Variants in INPP4B observed in about 807,000 individuals in gnomAD.
INPP4B encodes the protein inositol polyphosphate 4-phosphatase type II.
A neutral mutation model predicts 122.5 loss-of-function variants in INPP4B; 55 were observed. The ratio of observed to expected loss-of-function variants is 0.45; its 90% CI spans 0.36 to 0.56. The LOEUF (loss-of-function observed/expected upper bound fraction) is 0.56. Ranked by LOEUF, INPP4B falls within the 20% of genes least tolerant of loss-of-function variation. The pLI, the probability that INPP4B is intolerant of heterozygous loss-of-function variation, is 0.00. For missense variants in INPP4B, 1,000 were observed against 1,097.7 expected (o/e 0.91, Z 1.26); for synonymous variants, 403 against 388.7 (o/e 1.04, Z -0.43).
Position 142,040,548 on chromosome 4 carries a change from T to C in INPP4B, c.2643-11634A>G, listed in dbSNP as rs941188401. On this transcript the variant is annotated intron_variant, in intron 25 of 25. Coordinates refer to ENST00000262992, the MANE Select transcript of INPP4B (RefSeq NM_001101669.3). ...ATGAAGCTTGTTGAAAGAAAAATTT[T>C]TGAAAGAAATGAAACAACAAAAATA... 4.6e-5 allele frequency among the ~76,000 whole-genome samples: 7 copies of C among 152,156 alleles called. No individual in the cohort carries two copies. In the East Asian group the frequency reaches 7.7e-4, roughly 17 times the overall value.
At chr4:142,725,695 G>A (rs755509816) in intron 2 of INPP4B, 144 bp downstream of exon 2, 12 of 384,214 alleles carry the variant, frequency 3.1e-5, no homozygotes, top group Non-Finnish European at 4.6e-5. Context: ...GATGATCATC[G>A]TAAGGCCTTC....
chr4:142,169,534 A>G (rs1462904709), intron 16 of INPP4B, among the ~76,000 whole-genome samples: 1 of 151,714 alleles, frequency 6.6e-6, no homozygotes, highest in Non-Finnish European at 1.5e-5. Context: ...ATAGAAAACA[A>G]CATTGCTTGA....
chr4:142,316,577 A>G (rs1374122324), intron 7 of INPP4B, among the ~76,000 whole-genome samples: 1 of 152,188 alleles, frequency 6.6e-6, no homozygotes. Context: ...TATGTGTACT[A>G]TTATATACAT....
rs180932084 is a variant in INPP4B at position 142,439,645 on chromosome 4, A to G, written c.-126-8260T>C. On this transcript the variant is annotated intron_variant, in intron 3 of 25. Transcript: ENST00000262992. ...AAGAGTTTAATCAATTTTTCCTCCTATGAAGCAGCATACAAGTAAGAAAGA... is the reference window on the plus strand; with the variant it reads ...AAGAGTTTAATCAATTTTTCCTCCTGTGAAGCAGCATACAAGTAAGAAAGA... Among the ~76,000 whole-genome samples the G allele has an allele frequency of 2.7e-3, 417 of 152,306 alleles. 3 individuals carry two copies. The highest frequency in any genetic ancestry group is 9.6e-3 in the African/African-American group (400 of 41,578).
intron 2 of INPP4B, among the ~76,000 whole-genome samples, chr4:142,625,347 G>C (rs1481166899): frequency 2.6e-5 from 4 of 151,968 alleles, no homozygotes; most frequent in Non-Finnish European, 4.4e-5. Context: ...AACAGACAAA[G>C]AGAGAGTCAA....
chr4:142,377,608 T>G (rs1203243930), intron 7 of INPP4B, among the ~76,000 whole-genome samples: 1 of 152,064 alleles, frequency 6.6e-6, no homozygotes, highest in Non-Finnish European at 1.5e-5. Flanking sequence ...CCATCTGTAA[T>G]GTAGGCAGAA....
intron 1 of INPP4B, among the ~76,000 whole-genome samples, chr4:142,842,670 TATA>T (rs1324360365): frequency 7.5e-6 from 1 of 132,948 alleles, no homozygotes; most frequent in Admixed American, 8.5e-5. Context: ...TATAACATAA[TATA>T]ATATTAATAT....
intron 1 of INPP4B, among the ~76,000 whole-genome samples, chr4:142,782,716 C>G (rs1775073291): frequency 6.6e-6 from 1 of 152,138 alleles, no homozygotes; most frequent in African/African-American, 2.4e-5. Context: ...TTTTGATTTG[C>G]ATTTCTCTGA....
rs143937067 is a variant in INPP4B, at chr4:142,697,606, T to C, written c.-191+28233A>G. On this transcript the variant is annotated intron_variant, in intron 2 of 25. Coordinates refer to ENST00000262992, the MANE Select transcript of INPP4B (RefSeq NM_001101669.3). ...TCTATATGATTAAACGATAGGAACT[T>C]ATTTGCTTTATTACTTTATATGGCC... Among the ~76,000 whole-genome samples, 275 of 152,300 alleles carry C rather than the reference T, an allele frequency of 1.8e-3. 2 individuals are homozygous for C. Among genetic ancestry groups the C allele is most frequent in the African/African-American group, 6.2e-3 (258 of 41,566 alleles).
intron 25 of INPP4B, among the ~76,000 whole-genome samples, chr4:142,071,176 A>T (rs538301249): frequency 6.6e-6 from 1 of 152,176 alleles, no homozygotes; most frequent in South Asian, 2.1e-4. Flanking sequence ...CTCAGAAATA[A>T]TACCACACAT....
intron 2 of INPP4B, among the ~76,000 whole-genome samples, chr4:142,556,868 A>G (rs1239214980): frequency 6.6e-6 from 1 of 152,172 alleles, no homozygotes; most frequent in Non-Finnish European, 1.5e-5. Flanking sequence ...GCTGATACCT[A>G]GGAAACCTCG....
At chr4:142,432,245 T>C (rs1176825828) in intron 3 of INPP4B, among the ~76,000 whole-genome samples, 1 of 152,124 alleles carries the variant, frequency 6.6e-6, no homozygotes, top group African/African-American at 2.4e-5. Flanking sequence ...GTCTGCCCAA[T>C]GCCGTTTAAT....
chr4:142,401,333 C>T (rs1422990109), intron 7 of INPP4B, among the ~76,000 whole-genome samples: 1 of 152,078 alleles, frequency 6.6e-6, no homozygotes, highest in African/African-American at 2.4e-5. Flanking sequence ...CTAAATATCC[C>T]AGCTGCAGTC....
chr4:142,113,418 G>GT (rs1298628068), intron 21 of INPP4B, among the ~76,000 whole-genome samples: 1 of 152,004 alleles, frequency 6.6e-6, no homozygotes, highest in East Asian at 1.9e-4. Context: ...AAATCCATGT[G>GT]TTTCAAGAAC....
intron 15 of INPP4B, among the ~76,000 whole-genome samples, chr4:142,177,622 A>C (rs1828921050): frequency 6.6e-6 from 1 of 152,088 alleles, no homozygotes; most frequent in South Asian, 2.1e-4. Context: ...AGTGAATTAA[A>C]GTGTACTATA....
chr4:142,525,641 G>A (rs1325180300), intron 2 of INPP4B, among the ~76,000 whole-genome samples: 1 of 101,650 alleles, frequency 9.8e-6, no homozygotes, highest in Non-Finnish European at 2.1e-5. Flanking sequence ...AATGGGGAAA[G>A]GATTCCCTAT....
Position 142,102,462 on chromosome 4 carries a change from T to A in INPP4B, c.2374+5631A>T, listed in dbSNP as rs1407851992. Among the ~76,000 whole-genome samples the A allele has an allele frequency of 3.7e-4, 3 of 8,154 alleles. No individual in the cohort carries two copies. The Admixed American group carries it at 0.011, about 30-fold the overall frequency. The allele number at this position is 8,154 out of a possible 152,430, so 5.3% of individuals were successfully genotyped here. A position where few individuals can be genotyped will look rare whatever the true frequency, so the allele number is the denominator to read the frequency against. On this transcript the variant is annotated intron_variant, in intron 23 of 25. Transcript: ENST00000262992. ...GGCAAGGTGGATGTGAACAAAGTCT[T>A]TTTTTTTTTTTTTTTTTTTGAAGCT...
At chr4:142,554,062 G>T (rs554566965) in intron 2 of INPP4B, among the ~76,000 whole-genome samples, 2 of 151,718 alleles carry the variant, frequency 1.3e-5, no homozygotes, top group Non-Finnish European at 2.9e-5. Flanking sequence ...GGTGGCCAGC[G>T]CCTGTAATCC....
At chr4:142,046,908 A>G (rs1751799764) in intron 25 of INPP4B, among the ~76,000 whole-genome samples, 1 of 152,092 alleles carries the variant, frequency 6.6e-6, no homozygotes, top group Admixed American at 6.6e-5. Context: ...GTGAATTAGT[A>G]TCTTAGAGAG....
Sources: allele counts gnomAD v4.1 joint callset (sites outside exome capture counted in the v4.1 genomes callset), GRCh38; gene constraint gnomAD v4.1.1; transcripts MANE v1.5; gene names NCBI Gene and HGNC (gene_info 2026-07-23, HGNC 2026-07-21).